Variants in CAPN2 observed in about 807,000 individuals in gnomAD.
The protein encoded by CAPN2 is calpain 2, also known as calpain-2 catalytic subunit.
Under a neutral mutation model 102.3 loss-of-function variants are expected in CAPN2, and 92 were observed. The observed-to-expected ratio is 0.90, with a 90% confidence interval of 0.76 to 1.07. CAPN2 has a LOEUF of 1.07. Ranked by LOEUF, CAPN2 falls within the 50% of genes least tolerant of loss-of-function variation. The pLI is 0.00. For missense variants in CAPN2, 800 were observed against 909.4 expected (o/e 0.88, Z 1.55); for synonymous variants, 340 against 355.4 (o/e 0.96, Z 0.49).
intron 2 of CAPN2, among the ~76,000 whole-genome samples, chr1:223,718,304 G>A (rs1431922018): frequency 9.2e-5 from 14 of 152,254 alleles, no homozygotes; most frequent in Non-Finnish European, 4.4e-5. Flanking sequence ...GCTGCTGAAG[G>A]AAGTTATAGT....
chr1:223,715,500 G>C lies in CAPN2; in HGVS notation c.238-2262G>C, dbSNP rs12032206. Among the ~76,000 whole-genome samples the C allele has an allele frequency of 0.011, 1,648 of 152,270 alleles. 117 individuals are homozygous for C. In the East Asian group the frequency reaches 0.18, roughly 17 times the overall value. Reference sequence around the variant, plus strand: ...AAGTGAGAATACGGGTTGTGGGCAGGGGAGGGGAGCAGGTTAGCCTTGCAG... The same window carrying C: ...AAGTGAGAATACGGGTTGTGGGCAGCGGAGGGGAGCAGGTTAGCCTTGCAG... On this transcript the variant is annotated intron_variant, in intron 1 of 20. Coordinates refer to ENST00000295006, the MANE Select transcript of CAPN2 (RefSeq NM_001748.5).
chr1:223,728,313 G>C (rs1485097389), intron 2 of CAPN2, among the ~76,000 whole-genome samples: 2 of 152,222 alleles, frequency 1.3e-5, no homozygotes, highest in East Asian at 3.9e-4. Context: ...TCTGGTGCCC[G>C]GGCTGAAGGG....
At chr1:223,741,118 C>T (rs1372892957) in intron 2 of CAPN2, among the ~76,000 whole-genome samples, 1 of 152,084 alleles carries the variant, frequency 6.6e-6, no homozygotes, top group Non-Finnish European at 1.5e-5. Context: ...TAGCTCGGGG[C>T]CTGGCACACC....
chr1:223,774,178 C>G (rs923939700), intron 20 of CAPN2, among the ~76,000 whole-genome samples: 4 of 152,098 alleles, frequency 2.6e-5, no homozygotes, highest in African/African-American at 9.6e-5. Flanking sequence ...CAGGGTCCAC[C>G]TGGCCTGCCT....
intron 1 of CAPN2, among the ~76,000 whole-genome samples, chr1:223,704,042 G>A (rs535274727): frequency 8.6e-5 from 13 of 151,488 alleles, no homozygotes; most frequent in Non-Finnish European, 1.6e-4. Context: ...TGTAATCCGA[G>A]CACTTTGTGA....
chr1:223,729,783 A>G (rs904472400), intron 2 of CAPN2, among the ~76,000 whole-genome samples: 2 of 152,124 alleles, frequency 1.3e-5, no homozygotes, highest in Non-Finnish European at 2.9e-5. Flanking sequence ...CGGGTGGATC[A>G]CCTGAGGTCA....
At chr1:223,750,125 C>G (rs778069756) in intron 6 of CAPN2, among the ~76,000 whole-genome samples, 1 of 152,100 alleles carries the variant, frequency 6.6e-6, no homozygotes, top group Non-Finnish European at 1.5e-5. Context: ...TTAACTACCC[C>G]CTCACACACA....
At position 223,750,950 on chromosome 1, in the gene CAPN2, GA is replaced by G. The variant is rs1282900601; in HGVS notation, c.875del (p.Glu292GlyfsTer16). 1 of 1,552,314 alleles carries G rather than the reference GA, an allele frequency of 6.4e-7. No homozygotes were observed. The highest frequency in any genetic ancestry group is 8.7e-7 in the Non-Finnish European group (1 of 1,147,322). ...CATCCGAAATCCCTGGGGAGAAGTG[GA>G]GTGGACAGGGCGGTGGAATGACAAG... ...IRIRNPWGEV[E>X]WTGRWNDNCP... On this transcript the variant is annotated frameshift_variant, in exon 7 of 21. Transcript: ENST00000295006. LOFTEE classifies it high-confidence loss of function.
chr1:223,721,094 G>A (rs1660040067), intron 2 of CAPN2, among the ~76,000 whole-genome samples: 1 of 152,140 alleles, frequency 6.6e-6, no homozygotes, highest in Non-Finnish European at 1.5e-5. Flanking sequence ...TTCCCAGAAG[G>A]CTCAGCTTCC....
chr1:223,735,671 C>T (rs371150077), intron 2 of CAPN2, among the ~76,000 whole-genome samples: 4 of 152,290 alleles, frequency 2.6e-5, no homozygotes, highest in Admixed American at 6.5e-5. Context: ...GAAGGCTCAA[C>T]GTGGCTGTGG....
At chr1:223,769,986 C>CATCTTA in intron 17 of CAPN2, 77 bp downstream of exon 17, 1 of 1,115,818 alleles carries the variant, frequency 9.0e-7, no homozygotes, top group African/African-American at 1.5e-5. Context: ...GCAACTCCTG[C>CATCTTA]ACAGAGTGGA....
intron 20 of CAPN2, 71 bp downstream of exon 20, chr1:223,772,310 A>T: frequency 7.5e-7 from 1 of 1,339,764 alleles, no homozygotes; most frequent in Non-Finnish European, 1.1e-6. Flanking sequence ...CTGTTACTTG[A>T]GTGATCTGCT....
chr1:223,775,018 C>G lies in CAPN2; in HGVS notation c.*161C>G, dbSNP rs1661578008. The G allele has an allele frequency of 3.0e-6, 2 of 656,092 alleles. No individual in the cohort carries two copies. Among genetic ancestry groups the G allele is most frequent in the Non-Finnish European group, 5.3e-6 (2 of 375,456 alleles). The allele number at this position is 656,092 out of a possible 1,614,324, so 40.6% of individuals were successfully genotyped here. A position where few individuals can be genotyped will look rare whatever the true frequency, so the allele number is the denominator to read the frequency against. ...TAATGATACTGTCAATTTGAGATAGCAGAAGTTTCACACATCAAAGTAAAA... is the reference window on the plus strand; with the variant it reads ...TAATGATACTGTCAATTTGAGATAGGAGAAGTTTCACACATCAAAGTAAAA... On this transcript the variant is annotated 3_prime_UTR_variant, in exon 21 of 21. Coordinates refer to ENST00000295006, the MANE Select transcript of CAPN2 (RefSeq NM_001748.5).
chr1:223,708,097 C>A (rs1014504764), upstream of CAPN2, among the ~76,000 whole-genome samples: 1 of 152,196 alleles, frequency 6.6e-6, no homozygotes, highest in Non-Finnish European at 1.5e-5. Flanking sequence ...CTTCATGAAA[C>A]CCTTGCACCA....
At chr1:223,745,461 G>T (rs916681889) in intron 4 of CAPN2, 22 bp downstream of exon 4, 2 of 1,613,944 alleles carry the variant, frequency 1.2e-6, no homozygotes, top group South Asian at 2.2e-5. Flanking sequence ...TCCTCCCCTG[G>T]CCCCATGGCC....
chr1:223,769,802 A>G, intron 16 of CAPN2, 39 bp from the exon 17 acceptor site: 1 of 1,532,632 alleles, frequency 6.5e-7, no homozygotes, highest in Non-Finnish European at 9.0e-7. Flanking sequence ...CTATGTGCAA[A>G]TGGACCCACA....
At chr1:223,770,194 A>C (rs1661436778) in intron 17 of CAPN2, 1 of 578,074 alleles carries the variant, frequency 1.7e-6, no homozygotes, top group African/African-American at 1.9e-5. Flanking sequence ...GCTAAAGTAC[A>C]AAAATTATAT....
chr1:223,710,293 A>AAAC (rs924382768), upstream of CAPN2, among the ~76,000 whole-genome samples: 4 of 151,704 alleles, frequency 2.6e-5, no homozygotes, highest in East Asian at 1.9e-4. Context: ...AGAAAAACAA[A>AAAC]AACAACAACA....
At chr1:223,737,949 T>C (rs1660509853) in intron 2 of CAPN2, among the ~76,000 whole-genome samples, 1 of 152,112 alleles carries the variant, frequency 6.6e-6, no homozygotes, top group African/African-American at 2.4e-5. Context: ...AAGGTCTGAT[T>C]CTAGATTTTT....
Sources: gnomAD v4.1 joint callset for allele counts (sites outside exome capture counted in the v4.1 genomes callset) on GRCh38, gnomAD v4.1.1 for gene constraint, MANE v1.5 for transcripts, NCBI Gene and HGNC (gene_info 2026-07-23, HGNC 2026-07-21) for gene names.